SERAC1: variants seen among roughly 807,000 people sequenced by gnomAD.
SERAC1 encodes serine active site containing 1, also known as protein SERAC1.
A neutral mutation model predicts 85.7 loss-of-function variants in SERAC1; 36 were observed. That is an observed-to-expected ratio of 0.42 (90% confidence interval 0.32 to 0.55). The LOEUF is 0.55. Among genes scored for constraint, SERAC1 ranks in the 20% least tolerant of loss-of-function variants. The pLI is 0.11. For missense variants in SERAC1, 629 were observed against 796.2 expected, an observed-to-expected ratio of 0.79 and a Z score of 2.53; for synonymous variants, 242 against 265.3, an observed-to-expected ratio of 0.91 and a Z score of 0.85.
At chr6:158,138,054 AC>A (rs1784834779) in intron 8 of SERAC1, among the ~76,000 whole-genome samples, 3 of 151,978 alleles carry the variant, frequency 2.0e-5, no homozygotes, top group Admixed American at 6.6e-5. Flanking sequence ...TTAACTATGA[AC>A]ACACACACAC....
intron 8 of SERAC1, among the ~76,000 whole-genome samples, chr6:158,140,205 G>A (rs1360821634): frequency 6.6e-6 from 1 of 152,176 alleles, no homozygotes; most frequent in Non-Finnish European, 1.5e-5. Flanking sequence ...TGGACGGAGG[G>A]CCCCTAAATA....
chr6:158,114,046 C>CA (rs1256749431), intron 15 of SERAC1, among the ~76,000 whole-genome samples: 11 of 149,712 alleles, frequency 7.3e-5, no homozygotes, highest in Non-Finnish European at 1.5e-5. Flanking sequence ...ATCAGATAAG[C>CA]AAACAGAAAA....
chr6:158,125,321 A>C (rs976905890), intron 10 of SERAC1, among the ~76,000 whole-genome samples: 3 of 152,232 alleles, frequency 2.0e-5, no homozygotes, highest in African/African-American at 7.2e-5. Flanking sequence ...TTTTAAATTC[A>C]AAAATTTTTA....
intron 1 of SERAC1, among the ~76,000 whole-genome samples, chr6:158,163,674 C>CG (rs2128426204): frequency 6.6e-6 from 1 of 152,272 alleles, no homozygotes; most frequent in East Asian, 1.9e-4. Context: ...TCCACTCCAT[C>CG]GATCTATTTA....
chr6:158,115,266 AG>A, intron 14 of SERAC1, among the ~76,000 whole-genome samples: 1 of 152,352 alleles, frequency 6.6e-6, no homozygotes, highest in Middle Eastern at 3.4e-3. Flanking sequence ...AGGTATGCCC[AG>A]CTGGGAGCTC....
chr6:158,125,783 G>A (rs1242570024), intron 10 of SERAC1, among the ~76,000 whole-genome samples: 2 of 152,148 alleles, frequency 1.3e-5, no homozygotes, highest in Non-Finnish European at 2.9e-5. Flanking sequence ...AAGAATGGCA[G>A]GGGATGTGAA....
chr6:158,109,910 T>C lies in SERAC1; in HGVS notation c.*1456A>G, dbSNP rs1784102568. The C allele has an allele frequency of 6.6e-6, 1 of 152,212 alleles. No individual in the cohort carries two copies. Among genetic ancestry groups the C allele is most frequent in the Non-Finnish European group, 1.5e-5 (1 of 68,040 alleles). The allele number at this position is 152,212 out of a possible 1,614,324, so 9.4% of individuals were successfully genotyped here. A position where few individuals can be genotyped will look rare whatever the true frequency, so the allele number is the denominator to read the frequency against. ...GAAGAAGGCAGAGAGGGCCACATATTGTATGATTCCATTTACATAAAATTC... is the reference window on the plus strand; with the variant it reads ...GAAGAAGGCAGAGAGGGCCACATATCGTATGATTCCATTTACATAAAATTC... On this transcript the variant is annotated 3_prime_UTR_variant, in exon 17 of 17. Coordinates refer to ENST00000647468, the MANE Select transcript of SERAC1 (RefSeq NM_032861.4).
intron 8 of SERAC1, among the ~76,000 whole-genome samples, chr6:158,131,123 C>A (rs2128416080): frequency 6.6e-6 from 1 of 151,690 alleles, no homozygotes; most frequent in South Asian, 2.1e-4. Context: ...TAAAGCATTT[C>A]AATTTCAACT....
chr6:158,139,313 T>C (rs1428914122), intron 8 of SERAC1, among the ~76,000 whole-genome samples: 4 of 152,222 alleles, frequency 2.6e-5, no homozygotes, highest in African/African-American at 9.7e-5. Context: ...TAATAAGAGA[T>C]TTGTATCCAG....
At chr6:158,132,580 T>A (rs1784703077) in intron 8 of SERAC1, among the ~76,000 whole-genome samples, 1 of 152,202 alleles carries the variant, frequency 6.6e-6, no homozygotes, top group Admixed American at 6.5e-5. Context: ...CATCTAGTTC[T>A]ACTCTAAATT....
chr6:158,127,379 T>TA (rs1784568497), intron 10 of SERAC1, among the ~76,000 whole-genome samples: 1 of 63,516 alleles, frequency 1.6e-5, no homozygotes, highest in Non-Finnish European at 3.3e-5. Context: ...GGTGGGGGGG[T>TA]CAGCCCCCCT....
intron 5 of SERAC1, among the ~76,000 whole-genome samples, 165 bp from the exon 6 acceptor site, chr6:158,147,078 ATTATC>A (rs1785079147): frequency 6.6e-6 from 1 of 152,044 alleles, no homozygotes; most frequent in Non-Finnish European, 1.5e-5. Flanking sequence ...ATTCTGTCAT[ATTATC>A]TTTTACAGTT....
chr6:158,128,342 C>CA, intron 9 of SERAC1, 72 bp from the exon 10 acceptor site: 1 of 1,496,776 alleles, frequency 6.7e-7, no homozygotes, highest in Non-Finnish European at 9.2e-7. Context: ...ACAGCCTGGT[C>CA]ATGGGGACAG....
At position 158,117,886 on chromosome 6, in the gene SERAC1, AAATC is replaced by A; in HGVS notation, c.1309-69_1309-66del. On this transcript the variant is annotated intron_variant, in intron 12 of 16. Coordinates refer to ENST00000647468, the MANE Select transcript of SERAC1 (RefSeq NM_032861.4). This position sits in a 1 kb window ranked among gnomAD's most constrained non-coding sequence, Gnocchi z 4.3. The stretch of plus-strand genomic sequence containing the variant: ...TTCACCACTGCAATTACTGCCTAGT[AAATC>A]AAATTTATAACTAAAGGCCTCTTGC... 1 of 1,287,994 alleles carries A rather than the reference AAATC, an allele frequency of 7.8e-7. No individual in the cohort carries two copies. The highest frequency in any genetic ancestry group is 1.1e-6 in the Non-Finnish European group (1 of 896,022). The allele number at this position is 1,287,994 out of a possible 1,614,324, so 79.8% of individuals were successfully genotyped here. A position where few individuals can be genotyped will look rare whatever the true frequency, so the allele number is the denominator to read the frequency against.
At chr6:158,166,787 T>G (rs1354166558) in intron 1 of SERAC1, among the ~76,000 whole-genome samples, 1 of 152,204 alleles carries the variant, frequency 6.6e-6, no homozygotes, top group African/African-American at 2.4e-5. Context: ...TCCTAGTTAA[T>G]TGTTACTGGT....
At chr6:158,159,631 T>TTC (rs1395333818) in intron 1 of SERAC1, among the ~76,000 whole-genome samples, 1 of 151,188 alleles carries the variant, frequency 6.6e-6, no homozygotes, top group African/African-American at 2.4e-5. Context: ...AGATTATCTT[T>TTC]TTTTTTTTTT....
At position 158,117,616 on chromosome 6, in the gene SERAC1, G is replaced by A. The variant is rs751037896; in HGVS notation, c.1403+111C>T. 3.8e-6 allele frequency: 6 copies of A among 1,574,682 alleles called. No individual in the cohort carries two copies. In the African/African-American group the frequency reaches 5.4e-5, roughly 14 times the overall value. On this transcript the variant is annotated intron_variant, in intron 13 of 16. Transcript: ENST00000647468. The surrounding 1 kb of genome is among the most constrained non-coding windows in gnomAD (Gnocchi z 4.3). ...AAAAGATTAGGTTTGTTCTTCATAAGAAAATCCTGTCTGTGGCATCAAAAA... is the reference window on the plus strand; with the variant it reads ...AAAAGATTAGGTTTGTTCTTCATAAAAAAATCCTGTCTGTGGCATCAAAAA...
At chr6:158,134,421 A>G (rs776719592) in intron 8 of SERAC1, among the ~76,000 whole-genome samples, 8 of 152,224 alleles carry the variant, frequency 5.3e-5, no homozygotes, top group African/African-American at 9.6e-5. Context: ...ACATTTTCTA[A>G]TACCAAAAAA....
Position 158,117,519 on chromosome 6 carries a change from A to G in SERAC1, c.1403+208T>C, listed in dbSNP as rs138988916. 3 of 1,550,484 alleles carry G rather than the reference A, an allele frequency of 1.9e-6. No homozygotes were observed. Among genetic ancestry groups the G allele is most frequent in the African/African-American group, 2.7e-5 (2 of 73,178 alleles). ...AAATAAACCATGTTAGGAGCCCACCATTGGTGATATACCTAAGCCTTCTAC... is the reference window on the plus strand; with the variant it reads ...AAATAAACCATGTTAGGAGCCCACCGTTGGTGATATACCTAAGCCTTCTAC... On this transcript the variant is annotated intron_variant, in intron 13 of 16. Coordinates refer to ENST00000647468, the MANE Select transcript of SERAC1 (RefSeq NM_032861.4). This position sits in a 1 kb window ranked among gnomAD's most constrained non-coding sequence, Gnocchi z 4.3.
Sources: allele counts gnomAD v4.1 joint callset (sites outside exome capture counted in the v4.1 genomes callset), GRCh38; gene constraint gnomAD v4.1.1; non-coding constraint Gnocchi (gnomAD v3.1); transcripts MANE v1.5; gene names NCBI Gene and HGNC (gene_info 2026-07-23, HGNC 2026-07-21).